Variants in HABP4 observed in about 807,000 individuals in gnomAD.
HABP4 encodes hyaluronan binding protein 4.
HABP4 carries 32 observed loss-of-function variants against 44.1 expected under a neutral mutation model. The observed-to-expected ratio is 0.73, with a 90% confidence interval of 0.55 to 0.97. The LOEUF is 0.97. Among genes scored for constraint, HABP4 ranks in the 50% least tolerant of loss-of-function variants. The probability of loss-of-function intolerance (pLI) is 0.00; values close to 1 mark genes in which losing one functional copy is unlikely to be tolerated. For synonymous variants in HABP4, 216 were observed against 218.0 expected (o/e 0.99, Z 0.08); for missense variants, 503 against 561.9 (o/e 0.90, Z 1.06).
At chr9:96,452,212 G>A (rs1317913908) in intron 1 of HABP4, among the ~76,000 whole-genome samples, 1 of 137,882 alleles carries the variant, frequency 7.3e-6, no homozygotes, top group African/African-American at 2.7e-5. Context: ...GGGAGAAAGA[G>A]CGAGACTCCG....
chr9:96,478,072 T>C (rs978953976), intron 5 of HABP4, among the ~76,000 whole-genome samples: 6 of 152,250 alleles, frequency 3.9e-5, no homozygotes, highest in Non-Finnish European at 8.8e-5. Flanking sequence ...GACCACCATT[T>C]ATCTGTTTAC....
chr9:96,453,585 T>C (rs1397871407), intron 1 of HABP4, among the ~76,000 whole-genome samples: 1 of 152,246 alleles, frequency 6.6e-6, no homozygotes, highest in East Asian at 1.9e-4. Flanking sequence ...CCTTGCTCAA[T>C]AAGTTCATTC....
chr9:96,485,243 GC>G (rs1832952203), intron 6 of HABP4, among the ~76,000 whole-genome samples: 1 of 152,128 alleles, frequency 6.6e-6, no homozygotes, highest in African/African-American at 2.4e-5. Flanking sequence ...TAGAGACGGG[GC>G]TTTTCCATGT....
At chr9:96,474,030 G>T (rs1202993681) in intron 5 of HABP4, among the ~76,000 whole-genome samples, 1 of 152,190 alleles carries the variant, frequency 6.6e-6, no homozygotes, top group African/African-American at 2.4e-5. Context: ...GATTTTGTGT[G>T]TGTGCGTGCG....
At chr9:96,465,631 T>G in intron 3 of HABP4, 79 bp from the exon 4 acceptor site, 8 of 1,213,418 alleles carry the variant, frequency 6.6e-6, no homozygotes, top group South Asian at 3.6e-5. Context: ...TCCTGGGACT[T>G]TTATGAACCA....
At chr9:96,457,266 G>A (rs943814248) in intron 1 of HABP4, among the ~76,000 whole-genome samples, 21 of 152,024 alleles carry the variant, frequency 1.4e-4, no homozygotes, top group African/African-American at 3.9e-4. Flanking sequence ...ATCTCTACCC[G>A]GGAGGCGGAG....
intron 5 of HABP4, among the ~76,000 whole-genome samples, chr9:96,476,282 AATAAT>A (rs1339592405): frequency 6.6e-6 from 1 of 152,216 alleles, no homozygotes; most frequent in Non-Finnish European, 1.5e-5. Flanking sequence ...GATATCATGA[AATAAT>A]ATAAAGCATT....
chr9:96,455,810 T>G (rs1832365003), intron 1 of HABP4, among the ~76,000 whole-genome samples: 1 of 148,920 alleles, frequency 6.7e-6, no homozygotes. Flanking sequence ...ATCCCAGCAT[T>G]TTGGGAGGCC....
chr9:96,488,212 A>T lies in HABP4; in HGVS notation c.1123A>T (p.Thr375Ser). 1 of 1,613,732 alleles carries T rather than the reference A, an allele frequency of 6.2e-7. No homozygotes were observed. The highest frequency in any genetic ancestry group is 1.1e-5 in the South Asian group (1 of 91,074). ...TCCTGGGCGTGGAGCCAGAGGAGGCACCCGGGGAGGCCGGGGAAGGATCAG... is the reference window on the plus strand; with the variant it reads ...TCCTGGGCGTGGAGCCAGAGGAGGCTCCCGGGGAGGCCGGGGAAGGATCAG... ...PRPGRGARGGTRGGRGRIRRA... is the reference protein window; with the variant it reads ...PRPGRGARGGSRGGRGRIRRA... The change falls in exon 7 of 8, where the codon ACC (threonine) becomes TCC (serine). Residue 375 changes from threonine to serine, a missense_variant. Physicochemically the swap from Thr to Ser is moderately conservative, Grantham distance 58. Coordinates refer to ENST00000375249, the MANE Select transcript of HABP4 (RefSeq NM_014282.4). The surrounding 1 kb of genome is among the most constrained non-coding windows in gnomAD (Gnocchi z 4.6).
rs200738199 is a variant in HABP4, at chr9:96,458,484, G to A, written c.455G>A (p.Arg152Gln). 1.1e-5 allele frequency: 17 copies of A among 1,613,234 alleles called. No individual in the cohort carries two copies. In the East Asian group the frequency reaches 1.3e-4, roughly 13 times the overall value. Residue 152 changes from arginine (R) to glutamine (Q), a missense_variant, in exon 2 of 8, where the codon CGA (arginine) becomes CAA (glutamine). Physicochemically the swap from Arg to Gln is conservative, Grantham distance 43. This residue lies in a region of HABP4 where 290 missense variants were observed against 300.5 expected (regional missense o/e 0.97). Coordinates refer to ENST00000375249, the MANE Select transcript of HABP4 (RefSeq NM_014282.4). ...GAGCGGAGATCCTACAGGGAATACC[G>A]ACCCTATGAGACAGAGAGGCAGGCA... ...RAERRSYREYRPYETERQADF... is the reference protein window; with the variant it reads ...RAERRSYREYQPYETERQADF...
rs760357328 is a variant in HABP4, at chr9:96,484,601, G to A, written c.967G>A (p.Val323Met). The part of the protein sequence containing the change: ...KPESTVPSKA[V>M]VIHKSKYRDD... ...AGAATCCACTGTTCCTTCCAAAGCC[G>A]TGGTGATTCACAAGTCAAAATACAG... Residue 323 changes from valine to methionine, a missense_variant, in exon 6 of 8, where the codon GTG (valine) becomes ATG (methionine). By Grantham distance (21) the Val-to-Met change is conservative (BLOSUM62 1). Transcript: ENST00000375249. 56 of 1,597,094 alleles carry A rather than the reference G, an allele frequency of 3.5e-5. No homozygotes were observed. Among genetic ancestry groups the A allele is most frequent in the South Asian group, 4.4e-5 (4 of 90,656 alleles).
rs922654045 is a variant in HABP4 at position 96,490,999 on chromosome 9, C to T, written c.*961C>T. On this transcript the variant is annotated 3_prime_UTR_variant, in exon 8 of 8. Transcript: ENST00000375249. ...AAAGTTTGGGGTTGGGGGTACACCT[C>T]AGAGGTTCAGTAATTCACCTGGAGT... 32 of 152,288 alleles carry T rather than the reference C, an allele frequency of 2.1e-4. No homozygotes were observed. The highest frequency in any genetic ancestry group is 2.0e-3 in the Admixed American group (31 of 15,268). The allele number at this position is 152,288 out of a possible 1,614,324, so 9.4% of individuals were successfully genotyped here.
chr9:96,464,297 T>TG (rs2131129104), intron 2 of HABP4, among the ~76,000 whole-genome samples: 1 of 152,198 alleles, frequency 6.6e-6, no homozygotes, highest in African/African-American at 2.4e-5. Context: ...AGCATTAGCA[T>TG]GGGGGGCCAG....
At chr9:96,463,566 T>C (rs964119965) in intron 2 of HABP4, among the ~76,000 whole-genome samples, 3 of 152,134 alleles carry the variant, frequency 2.0e-5, no homozygotes, top group African/African-American at 7.2e-5. Context: ...GCTTTAGATA[T>C]TTGCTATAGT....
chr9:96,450,431 A>AGCAGCT lies in HABP4; in HGVS notation c.158_163dup (p.Leu53_Gln54dup). The AGCAGCT allele has an allele frequency of 7.4e-7, 1 of 1,348,826 alleles. No homozygotes were observed. Among genetic ancestry groups the AGCAGCT allele is most frequent in the South Asian group, 1.7e-5 (1 of 58,092 alleles). The allele number at this position is 1,348,826 out of a possible 1,614,324, so 83.6% of individuals were successfully genotyped here. On this transcript the variant is annotated inframe_insertion, in exon 1 of 8. Transcript: ENST00000375249. The surrounding 1 kb of genome is among the most constrained non-coding windows in gnomAD (Gnocchi z 4.8). The stretch of plus-strand genomic sequence containing the variant: ...CGCGAGGCCGAGCGCCGGCGCCAGC[A>AGCAGCT]GCAGCTGCAGCGCAAGAGGCGCGAC...
intron 5 of HABP4, among the ~76,000 whole-genome samples, chr9:96,482,723 A>G (rs1171154615): frequency 6.6e-6 from 1 of 152,120 alleles, no homozygotes; most frequent in African/African-American, 2.4e-5. Flanking sequence ...GCTCCTCTGA[A>G]TATTTCATGT....
At chr9:96,479,949 T>TGAGCCTAGGAGTTTGAGAC in intron 5 of HABP4, among the ~76,000 whole-genome samples, 1 of 152,234 alleles carries the variant, frequency 6.6e-6, no homozygotes, top group East Asian at 1.9e-4. Context: ...GTGGATTGCT[T>TGAGCCTAGGAGTTTGAGAC]GAGCCTAGGA....
At chr9:96,478,656 GTTTT>G (rs71368270) in intron 5 of HABP4, among the ~76,000 whole-genome samples, 1 of 140,310 alleles carries the variant, frequency 7.1e-6, no homozygotes, top group Non-Finnish European at 1.6e-5. Flanking sequence ...TGTTGTCATC[GTTTT>G]TTTTTTTTTC....
At chr9:96,479,596 G>A (rs1221496868) in intron 5 of HABP4, among the ~76,000 whole-genome samples, 4 of 151,454 alleles carry the variant, frequency 2.6e-5, no homozygotes, top group African/African-American at 7.3e-5. Context: ...TGCAACCTCC[G>A]CCTCCCGGGT....
Sources: allele counts gnomAD v4.1 joint callset (sites outside exome capture counted in the v4.1 genomes callset), GRCh38; gene constraint gnomAD v4.1.1; regional missense constraint gnomAD v4.1.1; non-coding constraint Gnocchi (gnomAD v3.1); transcripts MANE v1.5; gene names NCBI Gene and HGNC (gene_info 2026-07-23, HGNC 2026-07-21).